The following LRIG1 variants were observed in gnomAD, a reference collection of about 807,000 sequenced individuals.
LRIG1 encodes leucine-rich repeats and immunoglobulin-like domains protein 1.
LRIG1 carries 48 observed loss-of-function variants against 99.2 expected under a neutral mutation model. That is an observed-to-expected ratio of 0.48 (90% CI 0.38 to 0.62). The LOEUF (loss-of-function observed/expected upper bound fraction) is 0.62. Among genes scored for constraint, LRIG1 ranks in the 20% least tolerant of loss-of-function variants. LRIG1 has a pLI of 0.00. For synonymous variants in LRIG1, 772 were observed against 596.1 expected (o/e 1.29, Z -4.30); for missense variants, 1,646 against 1,434.4 (o/e 1.15, Z -2.38).
chr3:66,407,995 T>G (rs1702334446), intron 7 of LRIG1, among the ~76,000 whole-genome samples: 1 of 152,190 alleles, frequency 6.6e-6, no homozygotes, highest in Non-Finnish European at 1.5e-5. Context: ...CATGCCTTAG[T>G]GGGGCAACTC....
rs1240343653 is a variant in LRIG1 at position 66,484,095 on chromosome 3, T to G, written c.218+16095A>C. Among the ~76,000 whole-genome samples the G allele has an allele frequency of 2.0e-5, 3 of 152,228 alleles. No homozygotes were observed. The East Asian group carries it at 5.8e-4, about 29-fold the overall frequency. On this transcript the variant is annotated intron_variant, in intron 1 of 18. Coordinates refer to ENST00000273261, the MANE Select transcript of LRIG1 (RefSeq NM_015541.3). ...TCTTCTTTCTTTCCATTCTTCTAAG[T>G]TTCTCAACACTTAAGAGACTTTGGT...
intron 3 of LRIG1, among the ~76,000 whole-genome samples, chr3:66,445,694 T>C (rs938043106): frequency 1.3e-5 from 2 of 152,238 alleles, no homozygotes; most frequent in African/African-American, 4.8e-5. Context: ...TTCTTTATTA[T>C]GCCAGTGAAG....
intron 9 of LRIG1, among the ~76,000 whole-genome samples, chr3:66,400,531 A>C (rs1209129452): frequency 3.3e-5 from 5 of 152,174 alleles, no homozygotes; most frequent in Admixed American, 2.0e-4. Context: ...GTCCAAGGCA[A>C]TGGGGTGCAG....
chr3:66,500,181 G>A lies in LRIG1; in HGVS notation c.218+9C>T, dbSNP rs1701324369. 1 of 1,512,814 alleles carries A rather than the reference G, an allele frequency of 6.6e-7. No homozygotes were observed. Among genetic ancestry groups the A allele is most frequent in the South Asian group, 1.2e-5 (1 of 82,986 alleles). The allele number at this position is 1,512,814 out of a possible 1,614,324, so 93.7% of individuals were successfully genotyped here. Reference sequence around the variant, plus strand: ...GGGGCGCAGAGAGGGCGGAAAGGGCGGCACTCACAGGCTCCGCGTCCAGGA... The same window carrying A: ...GGGGCGCAGAGAGGGCGGAAAGGGCAGCACTCACAGGCTCCGCGTCCAGGA... On this transcript the variant is annotated intron_variant, in intron 1 of 18. Transcript: ENST00000273261.
chr3:66,421,807 C>T (rs1559791343), intron 3 of LRIG1, among the ~76,000 whole-genome samples: 1 of 152,236 alleles, frequency 6.6e-6, no homozygotes, highest in African/African-American at 2.4e-5. Flanking sequence ...ACTGCCCTAG[C>T]AGAGGTTCTT....
At chr3:66,426,652 T>C (rs1000308571) in intron 3 of LRIG1, among the ~76,000 whole-genome samples, 2 of 152,256 alleles carry the variant, frequency 1.3e-5, no homozygotes, top group African/African-American at 4.8e-5. Context: ...TAAGTCTCTC[T>C]ACCACTGTTA....
intron 12 of LRIG1, among the ~76,000 whole-genome samples, chr3:66,389,759 G>A (rs988846858): frequency 2.0e-5 from 3 of 152,118 alleles, no homozygotes; most frequent in African/African-American, 7.2e-5. Flanking sequence ...GATAGAACTA[G>A]TCAGAAGATC....
At chr3:66,467,707 G>A (rs1700507047) in intron 1 of LRIG1, among the ~76,000 whole-genome samples, 1 of 152,220 alleles carries the variant, frequency 6.6e-6, no homozygotes, top group Non-Finnish European at 1.5e-5. Flanking sequence ...GTGGCTAGTG[G>A]CTATCAAAAT....
intron 1 of LRIG1, among the ~76,000 whole-genome samples, chr3:66,466,885 G>A (rs904813652): frequency 6.6e-6 from 1 of 152,224 alleles, no homozygotes; most frequent in Non-Finnish European, 1.5e-5. Context: ...AAACCTCGGA[G>A]AATTTAGTTA....
At chr3:66,475,389 A>C (rs79546053) in intron 1 of LRIG1, among the ~76,000 whole-genome samples, 3,350 of 152,296 alleles carry the variant, frequency 0.022, 111 homozygotes, top group South Asian at 0.13. Flanking sequence ...ACCAAACAAA[A>C]GGTGGTGGTT....
chr3:66,383,457 C>G (rs1559765921), intron 14 of LRIG1, 56 bp from the exon 15 acceptor site: 1 of 1,438,768 alleles, frequency 7.0e-7, no homozygotes, highest in Non-Finnish European at 9.4e-7. Context: ...TGCTCTGGCT[C>G]TGCCCGGTCT....
At chr3:66,413,684 A>G (rs976626161) in intron 5 of LRIG1, among the ~76,000 whole-genome samples, 2 of 152,338 alleles carry the variant, frequency 1.3e-5, no homozygotes, top group African/African-American at 4.8e-5. Context: ...GGGGAGGCAG[A>G]GCAGCCAGAA....
intron 1 of LRIG1, among the ~76,000 whole-genome samples, chr3:66,488,963 G>GT (rs1172661371): frequency 3.9e-5 from 6 of 152,062 alleles, no homozygotes; most frequent in East Asian, 3.9e-4. Context: ...TATTTTCCTG[G>GT]TTTTTTTTCT....
At chr3:66,471,707 G>A (rs1700599834) in intron 1 of LRIG1, among the ~76,000 whole-genome samples, 1 of 152,208 alleles carries the variant, frequency 6.6e-6, no homozygotes, top group Non-Finnish European at 1.5e-5. Flanking sequence ...TTTTGCTTCT[G>A]GAGTACTGAA....
At chr3:66,471,973 T>C (rs1700605880) in intron 1 of LRIG1, among the ~76,000 whole-genome samples, 1 of 152,044 alleles carries the variant, frequency 6.6e-6, no homozygotes, top group African/African-American at 2.4e-5. Context: ...CAATGCAAAA[T>C]CCAGGGTGTT....
chr3:66,487,188 CAT>C (rs1236599320), intron 1 of LRIG1, among the ~76,000 whole-genome samples: 1 of 152,154 alleles, frequency 6.6e-6, no homozygotes, highest in African/African-American at 2.4e-5. Flanking sequence ...AAAGTTCTGA[CAT>C]ATAAAATCAG....
At chr3:66,471,100 G>A (rs926957111) in intron 1 of LRIG1, among the ~76,000 whole-genome samples, 1 of 152,136 alleles carries the variant, frequency 6.6e-6, no homozygotes, top group East Asian at 1.9e-4. Flanking sequence ...TGCTGCCAGA[G>A]GCTGACCCTC....
rs190711359 is a variant in LRIG1 at position 66,381,222 on chromosome 3, G to A, written c.2770+257C>T. ...AGTGCTGACTGAAACTCTATACTTC[G>A]TTTGTGCCTTGCCCCTTATTTAAGT... On this transcript the variant is annotated intron_variant, in intron 17 of 18. Coordinates refer to ENST00000273261, the MANE Select transcript of LRIG1 (RefSeq NM_015541.3). Among the ~76,000 whole-genome samples, 232 of 152,276 alleles carry A rather than the reference G, an allele frequency of 1.5e-3. 1 individual carries two copies. Among genetic ancestry groups the A allele is most frequent in the African/African-American group, 5.2e-3 (217 of 41,552 alleles).
chr3:66,408,964 T>TGGGGGGGG (rs1424793540), intron 7 of LRIG1, among the ~76,000 whole-genome samples: 2 of 17,312 alleles, frequency 1.2e-4, no homozygotes, highest in South Asian at 2.1e-3. Context: ...GTGTGTGTGG[T>TGGGGGGGG]GGGGGGAGGG....
Sources: gnomAD v4.1 joint callset for allele counts (sites outside exome capture counted in the v4.1 genomes callset) on GRCh38, gnomAD v4.1.1 for gene constraint, MANE v1.5 for transcripts, NCBI Gene and HGNC (gene_info 2026-07-23, HGNC 2026-07-21) for gene names.